Variants in GRHL2 observed in about 807,000 individuals in gnomAD.
The protein encoded by GRHL2 is grainyhead like transcription factor 2.
Under a neutral mutation model 83.8 loss-of-function variants are expected in GRHL2, and 21 were observed. The observed-to-expected ratio is 0.25, with a 90% CI of 0.18 to 0.36. GRHL2 has a LOEUF of 0.36. GRHL2 is among the 10% of genes least tolerant of loss of function. The pLI is 1.00. For missense variants in GRHL2, 623 were observed against 781.8 expected (o/e 0.80, Z 2.42); for synonymous variants, 280 against 278.9 (o/e 1.00, Z -0.04).
intron 13 of GRHL2, among the ~76,000 whole-genome samples, chr8:101,648,245 C>T (rs1187447916): frequency 2.0e-5 from 3 of 152,210 alleles, no homozygotes; most frequent in Non-Finnish European, 4.4e-5. Context: ...CAGCCAGCAG[C>T]TGTCACGTCT....
At chr8:101,585,605 C>G (rs1296640762) in intron 7 of GRHL2, among the ~76,000 whole-genome samples, 4 of 152,152 alleles carry the variant, frequency 2.6e-5, no homozygotes, top group African/African-American at 9.7e-5. Context: ...GCTGTTATCA[C>G]GAGTTCATGT....
At chr8:101,546,113 C>T (rs1811259932) in intron 2 of GRHL2, among the ~76,000 whole-genome samples, 1 of 151,966 alleles carries the variant, frequency 6.6e-6, no homozygotes, top group Admixed American at 6.6e-5. Context: ...ATCTCTTGAC[C>T]TCGTGATCTG....
At chr8:101,604,782 A>G (rs776165917) in intron 8 of GRHL2, among the ~76,000 whole-genome samples, 4 of 152,198 alleles carry the variant, frequency 2.6e-5, no homozygotes, top group East Asian at 1.9e-4. Context: ...CTACCATCAC[A>G]CTAATCATGC....
At chr8:101,652,267 C>T (rs989975071) in intron 14 of GRHL2, among the ~76,000 whole-genome samples, 5 of 150,652 alleles carry the variant, frequency 3.3e-5, no homozygotes. Flanking sequence ...CACAATATGA[C>T]ATATTATATA....
At chr8:101,661,157 A>G (rs934876681) in intron 14 of GRHL2, among the ~76,000 whole-genome samples, 1 of 152,038 alleles carries the variant, frequency 6.6e-6, no homozygotes, top group Admixed American at 6.5e-5. Flanking sequence ...TAAAAAGTCC[A>G]TCAGCTATCA....
At chr8:101,665,050 G>A (rs1165463675) in intron 15 of GRHL2, among the ~76,000 whole-genome samples, 1 of 152,164 alleles carries the variant, frequency 6.6e-6, no homozygotes, top group Non-Finnish European at 1.5e-5. Flanking sequence ...TACTTTACAT[G>A]TATTCCTCTA....
chr8:101,545,870 ATTTTTTT>A (rs1174568425), intron 2 of GRHL2, among the ~76,000 whole-genome samples: 72 of 83,606 alleles, frequency 8.6e-4, no homozygotes, highest in African/African-American at 2.9e-3. Flanking sequence ...TCTTTGTAAC[ATTTTTTT>A]TTTTTTTTTT....
the GRHL2 span, among the ~76,000 whole-genome samples, chr8:101,678,364 G>A: frequency 2.6e-5 from 4 of 152,096 alleles, no homozygotes; most frequent in African/African-American, 7.2e-5. Context: ...CGAATACTGC[G>A]CTTTTCCGAC....
chr8:101,569,738 G>A (rs371784354), intron 4 of GRHL2, among the ~76,000 whole-genome samples: 23 of 152,200 alleles, frequency 1.5e-4, no homozygotes, highest in Admixed American at 7.9e-4. Flanking sequence ...CCCAAAGTGC[G>A]GGATTACAGG....
chr8:101,577,276 C>T (rs1388296730), intron 6 of GRHL2, 132 bp from the exon 7 acceptor site: 6 of 704,378 alleles, frequency 8.5e-6, no homozygotes, highest in South Asian at 7.5e-5. Context: ...TACAGCCAAG[C>T]TTGTCTGGGC....
At chr8:101,675,601 GA>G in the GRHL2 span, among the ~76,000 whole-genome samples, 1 of 152,110 alleles carries the variant, frequency 6.6e-6, no homozygotes, top group Admixed American at 6.5e-5. Flanking sequence ...TCATGGGTAG[GA>G]AGAATCAATA....
intron 8 of GRHL2, 136 bp from the exon 9 acceptor site, chr8:101,619,403 T>G (rs1812918210): frequency 1.4e-6 from 1 of 715,660 alleles, no homozygotes; most frequent in Admixed American, 2.2e-5. Flanking sequence ...TGTTTTTATG[T>G]GAAAAGAATA....
At chr8:101,540,544 G>A (rs1472326178) in intron 1 of GRHL2, among the ~76,000 whole-genome samples, 2 of 152,160 alleles carry the variant, frequency 1.3e-5, no homozygotes, top group Non-Finnish European at 2.9e-5. Flanking sequence ...CAGAGGCCTA[G>A]CGACCGGAAT....
At chr8:101,551,173 A>G (rs1309607475) in intron 2 of GRHL2, among the ~76,000 whole-genome samples, 1 of 152,250 alleles carries the variant, frequency 6.6e-6, no homozygotes, top group Non-Finnish European at 1.5e-5. Context: ...TGCCTGGTAT[A>G]GTATACACTC....
intron 7 of GRHL2, among the ~76,000 whole-genome samples, chr8:101,590,876 G>A (rs922478071): frequency 3.9e-5 from 6 of 152,092 alleles, no homozygotes; most frequent in Non-Finnish European, 8.8e-5. Context: ...GACAGAATCC[G>A]CACCTTTCAG....
chr8:101,533,385 A>G (rs1348544014), intron 1 of GRHL2, among the ~76,000 whole-genome samples: 4 of 152,186 alleles, frequency 2.6e-5, no homozygotes, highest in African/African-American at 9.7e-5. Context: ...TTTTACTTCA[A>G]TTCCTCAATG....
At chr8:101,660,377 T>C (rs1813895163) in intron 14 of GRHL2, among the ~76,000 whole-genome samples, 1 of 152,234 alleles carries the variant, frequency 6.6e-6, no homozygotes, top group African/African-American at 2.4e-5. Flanking sequence ...TTGCATTTGA[T>C]TGGTATGGTC....
intron 7 of GRHL2, among the ~76,000 whole-genome samples, chr8:101,580,180 A>G (rs1173217185): frequency 6.6e-6 from 1 of 152,136 alleles, no homozygotes; most frequent in African/African-American, 2.4e-5. Flanking sequence ...TTAAATTGAT[A>G]CATAATAATT....
chr8:101,552,649 T>G, intron 2 of GRHL2, 66 bp from the exon 3 acceptor site: 1 of 1,467,768 alleles, frequency 6.8e-7, no homozygotes, highest in South Asian at 1.1e-5. Flanking sequence ...TATGCCGGTG[T>G]CCAGCTCTGA....
Sources: gnomAD v4.1 joint callset for allele counts (sites outside exome capture counted in the v4.1 genomes callset) on GRCh38, gnomAD v4.1.1 for gene constraint, MANE v1.5 for transcripts, NCBI Gene and HGNC (gene_info 2026-07-23, HGNC 2026-07-21) for gene names.